Variants in FBXL17 observed in about 807,000 individuals in gnomAD.
The protein encoded by FBXL17 is F-box and leucine rich repeat protein 17.
FBXL17 carries 22 observed loss-of-function variants against 66.2 expected under a neutral mutation model. The observed-to-expected ratio is 0.33, with a 90% CI of 0.24 to 0.47. The LOEUF is 0.47. Among genes scored for constraint, FBXL17 ranks in the 20% least tolerant of loss-of-function variants. The pLI, the probability that FBXL17 is intolerant of heterozygous loss-of-function variation, is 1.00. For synonymous variants in FBXL17, 474 were observed against 400.5 expected, an observed-to-expected ratio of 1.18 and a Z score of -2.19; for missense variants, 878 against 948.2, an observed-to-expected ratio of 0.93 and a Z score of 0.97.
intron 4 of FBXL17, among the ~76,000 whole-genome samples, chr5:108,292,250 T>C (rs1338705164): frequency 6.6e-6 from 1 of 151,934 alleles, no homozygotes; most frequent in African/African-American, 2.4e-5. Context: ...GCCTCCCAAG[T>C]AGCTGGGATT....
At chr5:108,140,521 T>C (rs567043213) in intron 6 of FBXL17, among the ~76,000 whole-genome samples, 1 of 152,326 alleles carries the variant, frequency 6.6e-6, no homozygotes, top group African/African-American at 2.4e-5. Flanking sequence ...ATTTTTCAAA[T>C]GATTCATCCT....
chr5:108,298,673 T>C (rs530656746), intron 4 of FBXL17: 3 of 831,912 alleles, frequency 3.6e-6, no homozygotes, highest in East Asian at 1.2e-4. Context: ...AGTAATATAC[T>C]ATCTTCCTCA....
rs760502128 is a variant in FBXL17, at chr5:108,085,568, C to T, written c.1746-64567G>A. ...AGCTTATCTCCGGACTGTGCCTGAA[C>T]ACTGTGTGCCGTTGGGGCTCAGAAC... is the stretch of plus-strand genomic sequence containing the variant. On this transcript the variant is annotated intron_variant, in intron 6 of 8. Transcript: ENST00000542267. Among the ~76,000 whole-genome samples the T allele has an allele frequency of 8.1e-4, 123 of 152,352 alleles. 1 individual carries two copies. Among genetic ancestry groups the T allele is most frequent in the African/African-American group, 2.9e-3 (119 of 41,576 alleles).
At chr5:108,122,276 C>T (rs933231352) in intron 6 of FBXL17, among the ~76,000 whole-genome samples, 1 of 152,092 alleles carries the variant, frequency 6.6e-6, no homozygotes, top group African/African-American at 2.4e-5. Flanking sequence ...CTCAGGCATA[C>T]AGATATTAAA....
chr5:107,929,873 T>C (rs1750671815), intron 7 of FBXL17, among the ~76,000 whole-genome samples: 3 of 152,076 alleles, frequency 2.0e-5, no homozygotes, highest in South Asian at 4.2e-4. Context: ...AAAATTTTTA[T>C]ACTCTATTTC....
chr5:108,111,502 A>G (rs1434627348), intron 6 of FBXL17, among the ~76,000 whole-genome samples: 1 of 152,218 alleles, frequency 6.6e-6, no homozygotes, highest in East Asian at 1.9e-4. Context: ...AAAAGGCTGT[A>G]AGCATTTCTT....
At chr5:108,164,564 T>C (rs1355476071) in intron 6 of FBXL17, among the ~76,000 whole-genome samples, 1 of 152,086 alleles carries the variant, frequency 6.6e-6, no homozygotes, top group South Asian at 2.1e-4. Flanking sequence ...CATTCCAACA[T>C]CATTGTAGGT....
chr5:107,947,252 C>T (rs1223508539), intron 7 of FBXL17, among the ~76,000 whole-genome samples: 1 of 152,208 alleles, frequency 6.6e-6, no homozygotes, highest in Non-Finnish European at 1.5e-5. Flanking sequence ...TGTATTAAGA[C>T]TTTAGTTTTA....
intron 6 of FBXL17, among the ~76,000 whole-genome samples, chr5:108,079,061 C>T (rs1748661228): frequency 1.3e-5 from 2 of 151,794 alleles, no homozygotes; most frequent in African/African-American, 4.8e-5. Flanking sequence ...GTGGTCCAGG[C>T]TGGTCTCAAA....
At chr5:107,999,427 CT>C (rs544384063) in intron 7 of FBXL17, among the ~76,000 whole-genome samples, 3,972 of 138,818 alleles carry the variant, frequency 0.029, 158 homozygotes, top group African/African-American at 0.089. Flanking sequence ...TTGAAATTTA[CT>C]TTTTTTTTTT....
chr5:108,170,443 A>ATTTT (rs1752565116), intron 6 of FBXL17, among the ~76,000 whole-genome samples: 2 of 152,230 alleles, frequency 1.3e-5, no homozygotes, highest in Non-Finnish European at 2.9e-5. Context: ...AATTTCAAAA[A>ATTTT]TAAAGATTCC....
At chr5:108,293,015 G>A (rs1004636340) in intron 4 of FBXL17, among the ~76,000 whole-genome samples, 3 of 151,260 alleles carry the variant, frequency 2.0e-5, no homozygotes, top group Non-Finnish European at 2.9e-5. Flanking sequence ...GTGAACCCGG[G>A]AGGCGGAGCT....
intron 7 of FBXL17, among the ~76,000 whole-genome samples, chr5:107,883,288 T>C (rs1164859211): frequency 6.6e-6 from 1 of 152,080 alleles, no homozygotes; most frequent in Non-Finnish European, 1.5e-5. Flanking sequence ...TGTCACAAGA[T>C]AGTAAGTGGG....
chr5:108,009,194 CATATATATAT>C (rs373679985), intron 7 of FBXL17, among the ~76,000 whole-genome samples: 3,712 of 53,874 alleles, frequency 0.069, 210 homozygotes, highest in East Asian at 0.13. Flanking sequence ...ATTTGAAAAG[CATATATATAT>C]ATATATATAT....
At chr5:108,253,984 A>G (rs1288628902) in intron 4 of FBXL17, among the ~76,000 whole-genome samples, 1 of 152,136 alleles carries the variant, frequency 6.6e-6, no homozygotes, top group Non-Finnish European at 1.5e-5. Context: ...AAAAAAAGAA[A>G]AGAAAAGAAA....
At chr5:108,036,282 T>A (rs759604237) in intron 6 of FBXL17, among the ~76,000 whole-genome samples, 2 of 152,172 alleles carry the variant, frequency 1.3e-5, no homozygotes, top group Non-Finnish European at 2.9e-5. Flanking sequence ...AAAGATGGTT[T>A]CTCAAAACAA....
At chr5:108,249,445 G>A (rs1756251253) in intron 4 of FBXL17, among the ~76,000 whole-genome samples, 1 of 152,106 alleles carries the variant, frequency 6.6e-6, no homozygotes, top group Admixed American at 6.6e-5. Context: ...GCCTCATTCT[G>A]TACCAACATA....
Position 108,134,444 on chromosome 5 carries a change from A to G in FBXL17, c.1745+51673T>C, listed in dbSNP as rs1013463951. On this transcript the variant is annotated intron_variant, in intron 6 of 8. Transcript: ENST00000542267. Reference sequence around the variant, plus strand: ...GGACATAGTTGTATTTCTAACCATAAGTTTTTAAATAACAGATAGATATAA... The same window carrying G: ...GGACATAGTTGTATTTCTAACCATAGGTTTTTAAATAACAGATAGATATAA... 2.6e-5 allele frequency among the ~76,000 whole-genome samples: 4 copies of G among 152,288 alleles called. No individual in the cohort carries two copies. The Middle Eastern group carries it at 0.01, about 388-fold the overall frequency.
At chr5:108,318,091 C>T (rs991591760) in intron 4 of FBXL17, among the ~76,000 whole-genome samples, 1 of 151,412 alleles carries the variant, frequency 6.6e-6, no homozygotes, top group Non-Finnish European at 1.5e-5. Context: ...AACATTTTTC[C>T]TTCCAAAGAA....
Sources: gnomAD v4.1 joint callset for allele counts (sites outside exome capture counted in the v4.1 genomes callset) on GRCh38, gnomAD v4.1.1 for gene constraint, MANE v1.5 for transcripts, NCBI Gene and HGNC (gene_info 2026-07-23, HGNC 2026-07-21) for gene names.